Variants in FMO4 observed in about 807,000 individuals in gnomAD.
The protein encoded by FMO4 is dimethylaniline monooxygenase [N-oxide-forming] 4.
A neutral mutation model predicts 43.3 loss-of-function variants in FMO4; 38 were observed. The ratio of observed to expected loss-of-function variants is 0.88; its 90% CI spans 0.68 to 1.15. The LOEUF (loss-of-function observed/expected upper bound fraction) is 1.15, where lower values mean the gene tolerates loss of function less well. Ranked by LOEUF, FMO4 falls within the 50% of genes most tolerant of loss-of-function variation. The pLI, the probability that FMO4 is intolerant of heterozygous loss-of-function variation, is 0.00. For missense variants in FMO4, 631 were observed against 663.3 expected, an observed-to-expected ratio of 0.95 and a Z score of 0.54; for synonymous variants, 224 against 232.2, an observed-to-expected ratio of 0.96 and a Z score of 0.32.
At chr1:171,322,855 T>C (rs1488006796) in intron 3 of FMO4, 149 bp from the exon 4 acceptor site, 1 of 618,702 alleles carries the variant, frequency 1.6e-6, no homozygotes, top group East Asian at 2.8e-5. Context: ...TCCATCTAAA[T>C]CAATCAATCA....
chr1:171,328,737 G>A (rs1284042216), intron 5 of FMO4, among the ~76,000 whole-genome samples: 2 of 151,968 alleles, frequency 1.3e-5, no homozygotes, highest in African/African-American at 4.8e-5. Flanking sequence ...TACCTTGGGT[G>A]GTGTTGAAAG....
rs1301858774 is a variant in FMO4, at chr1:171,329,931, T to G, written c.485-1709T>G. On this transcript the variant is annotated intron_variant, in intron 5 of 9. Transcript: ENST00000367749. ...AGAATCCTGTTAAAACATTTTGTTA[T>G]ACAATCTACTTCTTGCCCAGGATGT... is the stretch of plus-strand genomic sequence containing the variant. 2.0e-5 allele frequency among the ~76,000 whole-genome samples: 3 copies of G among 152,230 alleles called. No homozygotes were observed. In the East Asian group the frequency reaches 5.8e-4, roughly 29 times the overall value.
chr1:171,338,678 G>A (rs1302363185), intron 9 of FMO4, among the ~76,000 whole-genome samples: 3 of 152,126 alleles, frequency 2.0e-5, no homozygotes, highest in Non-Finnish European at 2.9e-5. Flanking sequence ...AACACTATAT[G>A]TGACAGCAAC....
intron 5 of FMO4, among the ~76,000 whole-genome samples, chr1:171,331,396 C>T (rs1662893167): frequency 6.6e-6 from 1 of 152,164 alleles, no homozygotes; most frequent in Non-Finnish European, 1.5e-5. Flanking sequence ...TAAAAGGGCA[C>T]ATTCATATGG....
At chr1:171,324,839 T>C (rs910709097) in intron 5 of FMO4, among the ~76,000 whole-genome samples, 1 of 152,152 alleles carries the variant, frequency 6.6e-6, no homozygotes, top group African/African-American at 2.4e-5. Context: ...TACAATTCTT[T>C]GGCTGGGCAT....
rs1017398531 is a variant in FMO4 at position 171,319,503 on chromosome 1, A to T, written c.-8-315A>T. ...TTGAGGGTGGGGCGTTTGCCAGGGA[A>T]CTGCTCTCTCCTACTCAGTATTTCC... is the stretch of plus-strand genomic sequence containing the variant. On this transcript the variant is annotated intron_variant, in intron 2 of 9. Coordinates refer to ENST00000367749, the MANE Select transcript of FMO4 (RefSeq NM_002022.3). Among the ~76,000 whole-genome samples, 10 of 152,136 alleles carry T rather than the reference A, an allele frequency of 6.6e-5. 1 individual carries two copies. The highest frequency in any genetic ancestry group is 5.9e-5 in the Non-Finnish European group (4 of 68,028).
At position 171,324,183 on chromosome 1, in the gene FMO4, G is replaced by T. The variant is rs1246695775; in HGVS notation, c.367G>T (p.Gly123Cys). Residue 123 changes from glycine (G) to cysteine (C), a missense_variant, in exon 5 of 10, where the codon GGT becomes TGT. Gly to Cys is a radical substitution (Grantham distance 159). Transcript: ENST00000367749. The stretch of plus-strand genomic sequence containing the variant: ...GAAGCGTCCAGACTTCTCCGAAACT[G>T]GTCAGTGGGATGTTGTCACAGAGAC... ...ITKRPDFSET[G>C]QWDVVTETEG... The T allele has an allele frequency of 1.2e-6, 2 of 1,613,682 alleles. No homozygotes were observed. The highest frequency in any genetic ancestry group is 3.3e-5 in the Admixed American group (2 of 59,968).
At chr1:171,332,252 T>C (rs906124195) in intron 6 of FMO4, among the ~76,000 whole-genome samples, 10 of 152,232 alleles carry the variant, frequency 6.6e-5, no homozygotes, top group African/African-American at 1.4e-4. Flanking sequence ...ACAACAAGTA[T>C]ACATAATGGT....
At chr1:171,327,402 A>ACTTACTGTATGGTTCTGGGCAAGTTG (rs1193759272) in intron 5 of FMO4, among the ~76,000 whole-genome samples, 28 of 152,252 alleles carry the variant, frequency 1.8e-4, no homozygotes, top group Admixed American at 1.8e-3. Flanking sequence ...AGGCTCTGCT[A>ACTTACTGTATGGTTCTGGGCAAGTTG]CTTACTGTAT....
At chr1:171,324,709 T>C (rs1662585999) in intron 5 of FMO4, among the ~76,000 whole-genome samples, 1 of 151,872 alleles carries the variant, frequency 6.6e-6, no homozygotes, top group South Asian at 2.1e-4. Flanking sequence ...AACCAGAAAT[T>C]AAACATGTAA....
In FMO4 at chr1:171,324,175, C is replaced by A. The variant is rs1354007500; in HGVS notation, c.359C>A (p.Ser120Tyr). 2.5e-6 allele frequency: 4 copies of A among 1,613,398 alleles called. No homozygotes were observed. The South Asian group carries it at 4.4e-5, about 18-fold the overall frequency. ...AGCATAACGAAGCGTCCAGACTTCT[C>A]CGAAACTGGTCAGTGGGATGTTGTC... ...VCSITKRPDFSETGQWDVVTE... is the reference protein window; with the variant it reads ...VCSITKRPDFYETGQWDVVTE... The change falls in exon 5 of 10, where the codon TCC (serine) becomes TAC (tyrosine). Residue 120 changes from serine to tyrosine, a missense_variant. Physicochemically the swap from Ser to Tyr is moderately radical, Grantham distance 144. Coordinates refer to ENST00000367749, the MANE Select transcript of FMO4 (RefSeq NM_002022.3).
At chr1:171,334,344 G>T in intron 7 of FMO4, 67 bp from the exon 8 acceptor site, 1 of 1,024,866 alleles carries the variant, frequency 9.8e-7, no homozygotes. Flanking sequence ...AATTGGCTAA[G>T]TAAATCATTT....
chr1:171,324,133 T>A lies in FMO4; in HGVS notation c.322-5T>A. ...GAGAAGTGAGTGTTTGTCTTTCACT[T>A]TTAGACCACTGTGTGCAGCATAACG... is the stretch of plus-strand genomic sequence containing the variant. On this transcript the variant is annotated splice_polypyrimidine_tract_variant and splice_region_variant and intron_variant, in intron 4 of 9. Transcript: ENST00000367749. The A allele has an allele frequency of 6.2e-7, 1 of 1,606,378 alleles. No individual in the cohort carries two copies. Among genetic ancestry groups the A allele is most frequent in the East Asian group, 2.2e-5 (1 of 44,716 alleles).
chr1:171,318,971 T>G (rs1662301666), intron 2 of FMO4, among the ~76,000 whole-genome samples: 1 of 152,174 alleles, frequency 6.6e-6, no homozygotes, highest in Non-Finnish European at 1.5e-5. Flanking sequence ...GGCCCCACAG[T>G]AGGATCTAGA....
At chr1:171,323,406 G>A (rs1662522365) in intron 4 of FMO4, among the ~76,000 whole-genome samples, 1 of 152,162 alleles carries the variant, frequency 6.6e-6, no homozygotes, top group South Asian at 2.1e-4. Flanking sequence ...GCTCACACCT[G>A]TAATCGCAAT....
chr1:171,341,267 T>C lies in FMO4; in HGVS notation c.1251-146T>C, dbSNP rs139503459. 2.0e-4 allele frequency: 123 copies of C among 621,498 alleles called. 1 individual carries two copies. In the East Asian group the frequency reaches 3.4e-3, roughly 17 times the overall value. The allele number at this position is 621,498 out of a possible 1,614,324, so 38.5% of individuals were successfully genotyped here. On this transcript the variant is annotated intron_variant, in intron 9 of 9. Transcript: ENST00000367749. The stretch of plus-strand genomic sequence containing the variant: ...AGATAAACTCCTTTAATTTCTTTCT[T>C]CCTAACATACAAAAACATTCCCAAA...
chr1:171,320,451 G>A (rs887864609), intron 3 of FMO4, among the ~76,000 whole-genome samples: 1 of 152,142 alleles, frequency 6.6e-6, no homozygotes, highest in African/African-American at 2.4e-5. Flanking sequence ...GAGGGGGAGG[G>A]TTCCCTGTCA....
At chr1:171,320,443 G>C (rs1662366969) in intron 3 of FMO4, among the ~76,000 whole-genome samples, 1 of 152,194 alleles carries the variant, frequency 6.6e-6, no homozygotes, top group Non-Finnish European at 1.5e-5. Context: ...CCTTGTGGGA[G>C]GGGGAGGGTT....
Position 171,336,078 on chromosome 1 carries a change from A to C in FMO4, c.1181-1278A>C, listed in dbSNP as rs547172838. ...ACCAATTAAATCTTGCTAGTTTTTT[A>C]GAGGATAAGGTGACCCTAGTGGAAA... On this transcript the variant is annotated intron_variant, in intron 8 of 9. Transcript: ENST00000367749. Among the ~76,000 whole-genome samples, 3 of 152,276 alleles carry C rather than the reference A, an allele frequency of 2.0e-5. No individual in the cohort carries two copies. In the South Asian group the frequency reaches 6.2e-4, roughly 32 times the overall value.
Sources: gnomAD v4.1 joint callset for allele counts (sites outside exome capture counted in the v4.1 genomes callset) on GRCh38, gnomAD v4.1.1 for gene constraint, MANE v1.5 for transcripts, NCBI Gene and HGNC (gene_info 2026-07-23, HGNC 2026-07-21) for gene names.